The following PATJ variants were observed in gnomAD, a reference collection of about 807,000 sequenced individuals.
PATJ encodes inaD-like protein.
Under a neutral mutation model 224.9 loss-of-function variants are expected in PATJ, and 190 were observed. That is an observed-to-expected ratio of 0.84 (90% confidence interval 0.75 to 0.95). The LOEUF is 0.95. Among genes scored for constraint, PATJ ranks in the 40% least tolerant of loss-of-function variants. PATJ has a pLI of 0.00. For missense variants in PATJ, 2,121 were observed against 2,270.3 expected (o/e 0.93, Z 1.34); for synonymous variants, 769 against 820.3 (o/e 0.94, Z 1.07).
At chr1:61,845,495 C>T (rs1002122315) in intron 17 of PATJ, among the ~76,000 whole-genome samples, 2 of 152,144 alleles carry the variant, frequency 1.3e-5, no homozygotes, top group Admixed American at 1.3e-4. Flanking sequence ...GATCCCTTGC[C>T]TTTACTCCTC....
intron 30 of PATJ, among the ~76,000 whole-genome samples, chr1:62,040,380 G>A (rs559778924): frequency 7.9e-4 from 121 of 152,254 alleles, no homozygotes; most frequent in Middle Eastern, 6.8e-3. Flanking sequence ...AAAGTGCTGG[G>A]ATTACAGGCA....
intron 33 of PATJ, among the ~76,000 whole-genome samples, chr1:62,105,807 A>G (rs894493858): frequency 6.6e-6 from 1 of 151,974 alleles, no homozygotes. Context: ...GGTATTTAGC[A>G]TTGTAAAAGT....
chr1:62,086,122 T>A lies in PATJ; in HGVS notation c.4377+1474T>A, dbSNP rs1017030375. Among the ~76,000 whole-genome samples, 1 of 152,120 alleles carries A rather than the reference T, an allele frequency of 6.6e-6. No homozygotes were observed. Among genetic ancestry groups the A allele is most frequent in the African/African-American group, 2.4e-5 (1 of 41,414 alleles). ...AGCCACTGTGCCTGGCCAGGATGAT[T>A]GATTTTTCATTATTCAATACCTTTT... On this transcript the variant is annotated intron_variant, in intron 33 of 43. Coordinates refer to ENST00000642238, the MANE Select transcript of PATJ (RefSeq NM_001350145.3). This position sits in a 1 kb window ranked among gnomAD's most constrained non-coding sequence, Gnocchi z 4.0.
intron 25 of PATJ, 108 bp from the exon 26 acceptor site, chr1:61,914,479 G>A: frequency 1.8e-6 from 1 of 541,280 alleles, no homozygotes. Flanking sequence ...AAACAGAAAT[G>A]TAATGATTGA....
chr1:61,854,697 AT>A (rs1428054887), intron 17 of PATJ, among the ~76,000 whole-genome samples: 2 of 152,126 alleles, frequency 1.3e-5, no homozygotes, highest in Non-Finnish European at 2.9e-5. Flanking sequence ...CAGACAATAA[AT>A]TTGCCTACAT....
intron 20 of PATJ, among the ~76,000 whole-genome samples, chr1:61,866,303 T>C (rs1665416488): frequency 6.6e-6 from 1 of 152,218 alleles, no homozygotes; most frequent in African/African-American, 2.4e-5. Context: ...TATATAAACT[T>C]TGAAGGCTAT....
At chr1:61,852,703 T>C (rs1215266829) in intron 17 of PATJ, 1 of 152,142 alleles carries the variant, frequency 6.6e-6, no homozygotes, top group Admixed American at 6.6e-5. Context: ...TATCATAGAT[T>C]GTATTTTCAG....
intron 12 of PATJ, among the ~76,000 whole-genome samples, chr1:61,802,298 G>A (rs2148591106): frequency 6.6e-6 from 1 of 152,272 alleles, no homozygotes; most frequent in Middle Eastern, 3.4e-3. Flanking sequence ...TCACCATGTT[G>A]GCCAGGCTGG....
chr1:62,053,328 A>G (rs1184240717), intron 31 of PATJ, among the ~76,000 whole-genome samples: 1 of 152,220 alleles, frequency 6.6e-6, no homozygotes, highest in Non-Finnish European at 1.5e-5. Context: ...CACTGTTTGC[A>G]GTAGAATCTC....
At chr1:61,892,266 A>G (rs1289822360) in intron 22 of PATJ, among the ~76,000 whole-genome samples, 1 of 152,198 alleles carries the variant, frequency 6.6e-6, no homozygotes, top group Non-Finnish European at 1.5e-5. Context: ...CTTAGTCACA[A>G]TTGGAGCTCT....
Position 62,162,481 on chromosome 1 carries a change from A to T in PATJ, c.*1427A>T, listed in dbSNP as rs1669908734. The stretch of plus-strand genomic sequence containing the variant: ...AATATGTGATGAAAATGCATGGCTG[A>T]TGTTTCCTGATCTCCAAGGAGACTC... On this transcript the variant is annotated 3_prime_UTR_variant, in exon 44 of 44. Transcript: ENST00000642238. 1 of 152,242 alleles carries T rather than the reference A, an allele frequency of 6.6e-6. No homozygotes were observed. Among genetic ancestry groups the T allele is most frequent in the Non-Finnish European group, 1.5e-5 (1 of 68,042 alleles). The allele number at this position is 152,242 out of a possible 1,614,324, so 9.4% of individuals were successfully genotyped here. A position where few individuals can be genotyped will look rare whatever the true frequency, so the allele number is the denominator to read the frequency against.
chr1:61,864,510 T>C lies in PATJ; in HGVS notation c.2712T>C (p.Asn904=). Residue 904 remains asparagine, a synonymous_variant, in exon 20 of 44, where the codon AAT becomes AAC. Coordinates refer to ENST00000642238, the MANE Select transcript of PATJ (RefSeq NM_001350145.3). ...IQEATPVPSV[N]ELHFGTQWLH... is the part of the protein sequence containing the mutation. ...AGGCCACTCCTGTGCCCTCTGTGAA[T>C]GAACTTCACTTTGGTACACAGTGGT... is the stretch of plus-strand genomic sequence containing the variant. The C allele has an allele frequency of 6.2e-7, 1 of 1,614,118 alleles. No homozygotes were observed. Among genetic ancestry groups the C allele is most frequent in the Non-Finnish European group, 8.5e-7 (1 of 1,179,996 alleles).
At chr1:61,985,218 AG>A (rs1353922508) in intron 27 of PATJ, among the ~76,000 whole-genome samples, 1 of 152,040 alleles carries the variant, frequency 6.6e-6, no homozygotes, top group Non-Finnish European at 1.5e-5. Flanking sequence ...AGGCTGAGGC[AG>A]GGGAATCGCT....
At chr1:62,084,963 C>T (rs780112714) in intron 33 of PATJ, among the ~76,000 whole-genome samples, 4 of 151,932 alleles carry the variant, frequency 2.6e-5, no homozygotes, top group Non-Finnish European at 5.9e-5. Flanking sequence ...ACAAAAAGTA[C>T]AAAAATTGTC....
chr1:62,039,267 T>C (rs4072368), intron 30 of PATJ, among the ~76,000 whole-genome samples: 89,908 of 152,102 alleles, frequency 0.59, 27,327 homozygotes, highest in African/African-American at 0.72. Context: ...CTTTTTAACA[T>C]TATGGACTGA....
rs1041314034 is a variant in PATJ, at chr1:62,162,767, T to C, written c.*1713T>C. The C allele has an allele frequency of 4.9e-6, 1 of 204,200 alleles. No homozygotes were observed. Among genetic ancestry groups the C allele is most frequent in the African/African-American group, 2.4e-5 (1 of 41,924 alleles). 12.6% of individuals were successfully genotyped at this position (204,200 alleles called of 1,614,324 possible). ...TTCGAGACCAGCCTGGCCAATATGG[T>C]GAAACCCTGTCTCTACTAAAAATAC... is the stretch of plus-strand genomic sequence containing the variant. On this transcript the variant is annotated 3_prime_UTR_variant, in exon 44 of 44. Coordinates refer to ENST00000642238, the MANE Select transcript of PATJ (RefSeq NM_001350145.3).
intron 33 of PATJ, among the ~76,000 whole-genome samples, chr1:62,099,466 A>T (rs547807268): frequency 1.4e-5 from 2 of 142,700 alleles, no homozygotes; most frequent in East Asian, 4.1e-4. Context: ...ACTGGTGAAT[A>T]TGTTTTTCAC....
chr1:61,937,161 AT>A (rs1677009029), intron 27 of PATJ, among the ~76,000 whole-genome samples: 1 of 152,054 alleles, frequency 6.6e-6, no homozygotes, highest in South Asian at 2.1e-4. Flanking sequence ...TTTATGTAAC[AT>A]TTTTTCAGCT....
Position 62,162,868 on chromosome 1 carries a change from A to G in PATJ, c.*1814A>G. On this transcript the variant is annotated 3_prime_UTR_variant, in exon 44 of 44. Transcript: ENST00000642238. ...AGGTTGAAGCAGGAAAATTGCTTGAACCTGGGAGGTGGAGGTTGCAGTGAG... is the reference window on the plus strand; with the variant it reads ...AGGTTGAAGCAGGAAAATTGCTTGAGCCTGGGAGGTGGAGGTTGCAGTGAG... 1 of 305,038 alleles carries G rather than the reference A, an allele frequency of 3.3e-6. No homozygotes were observed. The highest frequency in any genetic ancestry group is 6.5e-6 in the Non-Finnish European group (1 of 154,226). The allele number at this position is 305,038 out of a possible 1,614,324, so 18.9% of individuals were successfully genotyped here. A position where few individuals can be genotyped will look rare whatever the true frequency, so the allele number is the denominator to read the frequency against.
Sources: gnomAD v4.1 joint callset for allele counts (sites outside exome capture counted in the v4.1 genomes callset) on GRCh38, gnomAD v4.1.1 for gene constraint, Gnocchi (gnomAD v3.1) non-coding constraint, MANE v1.5 for transcripts, NCBI Gene and HGNC (gene_info 2026-07-23, HGNC 2026-07-21) for gene names.